TNK2: variants seen among roughly 807,000 people sequenced by gnomAD.
TNK2 encodes the protein activated CDC42 kinase 1.
A neutral mutation model predicts 101.8 loss-of-function variants in TNK2; 83 were observed. The ratio of observed to expected loss-of-function variants is 0.82; its 90% CI spans 0.68 to 0.98. TNK2 has a LOEUF of 0.98. TNK2 is among the 50% of genes least tolerant of loss of function. TNK2 has a pLI of 0.00. For synonymous variants in TNK2, 804 were observed against 633.0 expected (o/e 1.27, Z -4.06); for missense variants, 1,665 against 1,483.2 (o/e 1.12, Z -2.01).
At position 195,885,237 on chromosome 3, in the gene TNK2, C is replaced by T; in HGVS notation, c.235-204G>A. The T allele has an allele frequency of 9.7e-7, 1 of 1,036,268 alleles. No individual in the cohort carries two copies. The highest frequency in any genetic ancestry group is 1.4e-6 in the Non-Finnish European group (1 of 735,018). 64.2% of individuals were successfully genotyped at this position (1,036,268 alleles called of 1,614,324 possible). A position where few individuals can be genotyped will look rare whatever the true frequency, so the allele number is the denominator to read the frequency against. Reference sequence around the variant, plus strand: ...CCAAACATGAACCCAAAGCCTGATGCTGGCCTCAAGGAGGGTGCCAGAAAG... The same window carrying T: ...CCAAACATGAACCCAAAGCCTGATGTTGGCCTCAAGGAGGGTGCCAGAAAG... On this transcript the variant is annotated intron_variant, in intron 3 of 15. Transcript: ENST00000672887. The surrounding 1 kb of genome is among the most constrained non-coding windows in gnomAD (Gnocchi z 4.7).
intron 10 of TNK2, among the ~76,000 whole-genome samples, chr3:195,870,802 G>A (rs551457310): frequency 1.3e-5 from 2 of 152,392 alleles, no homozygotes; most frequent in Admixed American, 1.3e-4. Flanking sequence ...TCTCCTGGAG[G>A]TGTCTGCAGT....
rs769440629 is a variant in TNK2, at chr3:195,887,068, C to T, written c.164-21G>A. 9.0e-5 allele frequency: 145 copies of T among 1,602,490 alleles called. 1 individual carries two copies. The highest frequency in any genetic ancestry group is 9.5e-5 in the Non-Finnish European group (112 of 1,174,538). On this transcript the variant is annotated intron_variant, in intron 2 of 15. Coordinates refer to ENST00000672887, the MANE Select transcript of TNK2 (RefSeq NM_001382273.1). Reference sequence around the variant, plus strand: ...CTGGCCTGCAGGGAGAGCGGGGAACCGCGTGCTGTGAAGGCCGCCGTAGCC... The same window carrying T: ...CTGGCCTGCAGGGAGAGCGGGGAACTGCGTGCTGTGAAGGCCGCCGTAGCC...
At chr3:195,904,528 AG>A (rs555528183) in intron 1 of TNK2, among the ~76,000 whole-genome samples, 23 of 152,150 alleles carry the variant, frequency 1.5e-4, no homozygotes, top group Admixed American at 4.6e-4. Context: ...TCAGGGGCTG[AG>A]AGAGGAGGGA....
chr3:195,895,892 C>G (rs1385053574), intron 1 of TNK2: 1 of 155,722 alleles, frequency 6.4e-6, no homozygotes. Context: ...GCCGGGCGCC[C>G]ACCTGCCCCG....
chr3:195,878,263 T>A lies in TNK2; in HGVS notation c.1246A>T (p.Ile416Phe). 1 of 1,613,874 alleles carries A rather than the reference T, an allele frequency of 6.2e-7. No homozygotes were observed. Among genetic ancestry groups the A allele is most frequent in the Non-Finnish European group, 8.5e-7 (1 of 1,179,916 alleles). Residue 416 changes from isoleucine to phenylalanine, a missense_variant, in exon 9 of 16, where the codon ATC becomes TTC. Physicochemically the swap from Ile to Phe is conservative, Grantham distance 21. This residue lies in a region of TNK2 where 39 missense variants were observed against 65.8 expected (regional missense o/e 0.59). Transcript: ENST00000672887. The surrounding 1 kb of genome is among the most constrained non-coding windows in gnomAD (Gnocchi z 4.7). ...HIQMNDVITV[I>F]EGRAENYWWR... is the part of the protein sequence containing the mutation. ...CCCTGCACTCCCTACCTTCCCTCGA[T>A]GACGGTGATGACATCATTCATCTGG...
chr3:195,875,642 C>T (rs1748672506), intron 9 of TNK2, among the ~76,000 whole-genome samples: 1 of 111,200 alleles, frequency 9.0e-6, no homozygotes, highest in African/African-American at 5.4e-5. Context: ...CCTTCCAGGC[C>T]CGCCCTGTCC....
chr3:195,867,590 AG>A lies in TNK2; in HGVS notation c.2707del (p.Leu903CysfsTer85). 2.5e-6 allele frequency: 4 copies of A among 1,590,140 alleles called. No homozygotes were observed. The highest frequency in any genetic ancestry group is 1.7e-6 in the Non-Finnish European group (2 of 1,175,946). ...TGGGGGCAGCAGCAGAGGCACAGGC[AG>A]GGGGGTAGGCTCCTCGGGGCTCTGG... ...EAQSPEEPTP[L>X]PVPLLLPPPS... On this transcript the variant is annotated frameshift_variant, in exon 13 of 16. Transcript: ENST00000672887. LOFTEE classifies it high-confidence loss of function.
intron 9 of TNK2, among the ~76,000 whole-genome samples, chr3:195,877,900 G>C (rs1299491536): frequency 6.6e-6 from 1 of 152,158 alleles, no homozygotes; most frequent in African/African-American, 2.4e-5. Context: ...CCCTGTGCCA[G>C]GAAGAAGCAG....
At position 195,867,388 on chromosome 3, in the gene TNK2, C is replaced by T. The variant is rs748990428; in HGVS notation, c.2910G>A (p.Ala970=). 120 of 1,605,746 alleles carry T rather than the reference C, an allele frequency of 7.5e-5. 1 individual carries two copies. The highest frequency in any genetic ancestry group is 3.2e-4 in the Admixed American group (19 of 59,322). Residue 970 remains alanine (A), a synonymous_variant, in exon 13 of 16, where the codon GCG becomes GCA. Transcript: ENST00000672887. The stretch of plus-strand genomic sequence containing the variant: ...TCTGGATCTTGTCTGCTGGCCGGCC[C>T]GCCTCTGGCCCATCGCCAGGGCAGC... The part of the protein sequence containing the change: ...QRGCPGDGPE[A]GRPADKIQML...
At chr3:195,896,881 C>T (rs1760613904) in intron 1 of TNK2, 1 of 152,266 alleles carries the variant, frequency 6.6e-6, no homozygotes, top group Non-Finnish European at 1.5e-5. Context: ...CCCTCTCCAG[C>T]CTCTCCAACT....
At chr3:195,902,744 CT>C (rs1166356461) in intron 1 of TNK2, among the ~76,000 whole-genome samples, 2 of 148,804 alleles carry the variant, frequency 1.3e-5, no homozygotes, top group Non-Finnish European at 1.5e-5. Flanking sequence ...GCTAATACCA[CT>C]TTTTTTTGTT....
At chr3:195,866,237 G>C (rs1659058446) in intron 15 of TNK2, among the ~76,000 whole-genome samples, 1 of 151,244 alleles carries the variant, frequency 6.6e-6, no homozygotes, top group Non-Finnish European at 1.5e-5. Context: ...GTCTCCCTCT[G>C]TCGCCCAGGA....
rs1311540830 is a variant in TNK2 at position 195,867,988 on chromosome 3, C to A, written c.2310G>T (p.Gln770His). ...CCTCGCCCGGGGGGGCTGGAGACAG[C>A]TGGACGTGTGGGCGCGTGGGCCGAG... ...IPPRPTRPHV[Q>H]LSPAPPGEEE... The change falls in exon 13 of 16, where the codon CAG becomes CAT. Residue 770 changes from glutamine to histidine, a missense_variant. Physicochemically the swap from Gln to His is conservative, Grantham distance 24. This residue lies in a region of TNK2 where 1,136 missense variants were observed against 894.9 expected (regional missense o/e 1.27). Transcript: ENST00000672887. 9 of 1,559,198 alleles carry A rather than the reference C, an allele frequency of 5.8e-6. No homozygotes were observed. Among genetic ancestry groups the A allele is most frequent in the Non-Finnish European group, 7.7e-6 (9 of 1,162,570 alleles).
intron 1 of TNK2, chr3:195,895,396 G>C: frequency 6.5e-7 from 1 of 1,533,936 alleles, no homozygotes; most frequent in South Asian, 1.2e-5. Flanking sequence ...CCTGCGTCCT[G>C]GGGGGCCGGG....
At chr3:195,879,401 T>G in intron 6 of TNK2, 1 of 502,250 alleles carries the variant, frequency 2.0e-6, no homozygotes, top group Non-Finnish European at 3.4e-6. Context: ...TGCAGCCTGG[T>G]GGGGGAAGAG....
At chr3:195,903,088 C>T (rs1263257129) in intron 1 of TNK2, among the ~76,000 whole-genome samples, 2 of 136,380 alleles carry the variant, frequency 1.5e-5, no homozygotes, top group Non-Finnish European at 1.6e-5. Context: ...GTGACAGAGT[C>T]GGAATGCAGT....
At position 195,867,344 on chromosome 3, in the gene TNK2, CCAGGCTGGGTGCT is replaced by C; in HGVS notation, c.2937+4_2937+16del. ...GGGCCCTGCCCCGCTTCGCCCACAG[CCAGGCTGGGTGCT>C]CACCATCTGGATCTTGTCTGCTGGC... On this transcript the variant is annotated splice_donor_5th_base_variant and intron_variant, in intron 13 of 15. Coordinates refer to ENST00000672887, the MANE Select transcript of TNK2 (RefSeq NM_001382273.1). The C allele has an allele frequency of 6.2e-7, 1 of 1,607,904 alleles. No homozygotes were observed. The highest frequency in any genetic ancestry group is 8.5e-7 in the Non-Finnish European group (1 of 1,177,706).
chr3:195,892,306 G>A (rs1048646737), intron 1 of TNK2: 7 of 1,165,056 alleles, frequency 6.0e-6, no homozygotes, highest in South Asian at 1.6e-5. Flanking sequence ...CCTCACTGGC[G>A]GGGTCCCTCA....
At chr3:195,898,354 T>C (rs1456915763) in intron 1 of TNK2, among the ~76,000 whole-genome samples, 1 of 152,176 alleles carries the variant, frequency 6.6e-6, no homozygotes, top group Non-Finnish European at 1.5e-5. Flanking sequence ...AAACAACCTC[T>C]AAGCCTCAAT....
Sources: gnomAD v4.1 joint callset for allele counts (sites outside exome capture counted in the v4.1 genomes callset) on GRCh38, gnomAD v4.1.1 for gene constraint, gnomAD v4.1.1 regional missense constraint, Gnocchi (gnomAD v3.1) non-coding constraint, MANE v1.5 for transcripts, NCBI Gene and HGNC (gene_info 2026-07-23, HGNC 2026-07-21) for gene names.